The following NFKB1 variants were observed in gnomAD, a reference collection of about 807,000 sequenced individuals.
The protein encoded by NFKB1 is nuclear factor kappa B subunit 1, also known as nuclear factor NF-kappa-B p105 subunit.
Under a neutral mutation model 105.1 loss-of-function variants are expected in NFKB1, and 9 were observed. The observed-to-expected ratio is 0.09, with a 90% confidence interval of 0.05 to 0.15. The LOEUF is 0.15. Among genes scored for constraint, NFKB1 ranks in the 10% least tolerant of loss-of-function variants. The pLI, the probability that NFKB1 is intolerant of heterozygous loss-of-function variation, is 1.00. For synonymous variants in NFKB1, 440 were observed against 442.2 expected, an observed-to-expected ratio of 1.00 and a Z score of 0.06; for missense variants, 830 against 1,203.7, an observed-to-expected ratio of 0.69 and a Z score of 4.59.
At chr4:102,607,034 A>G in intron 17 of NFKB1, 116 bp from the exon 18 acceptor site, 1 of 987,804 alleles carries the variant, frequency 1.0e-6, no homozygotes, top group Non-Finnish European at 1.6e-6. Flanking sequence ...ATAGACTTAT[A>G]GTATCTTTAC....
Position 102,606,633 on chromosome 4 carries a change from A to G in NFKB1, c.1890A>G (p.Lys630=), listed in dbSNP as rs994434354. 4 of 1,614,060 alleles carry G rather than the reference A, an allele frequency of 2.5e-6. No individual in the cohort carries two copies. The highest frequency in any genetic ancestry group is 1.6e-4 in the Middle Eastern group (1 of 6,084). Residue 630 remains lysine (K), a synonymous_variant, in exon 17 of 24, where the codon AAA becomes AAG. Coordinates refer to ENST00000226574, the MANE Select transcript of NFKB1 (RefSeq NM_003998.4). ...TAGCTGCCAAAGAAGGACATGATAA[A>G]GTTCTCAGTATCTTACTCAAGCACA... ...LHLAAKEGHD[K]VLSILLKHKK...
chr4:102,596,916 C>G lies in NFKB1; in HGVS notation c.1495+584C>G, dbSNP rs139847024. On this transcript the variant is annotated intron_variant, in intron 14 of 23. Transcript: ENST00000226574. ...TGGTGGCCACATGTGGTGTCTATCA[C>G]ATATGCTTTTTTTTTACACCCCTTT... Among the ~76,000 whole-genome samples the G allele has an allele frequency of 6.5e-3, 982 of 151,978 alleles. 7 individuals are homozygous for G. Among genetic ancestry groups the G allele is most frequent in the African/African-American group, 0.021 (883 of 41,418 alleles).
intron 13 of NFKB1, among the ~76,000 whole-genome samples, chr4:102,595,415 C>T (rs184840612): frequency 6.6e-6 from 1 of 152,290 alleles, no homozygotes; most frequent in East Asian, 1.9e-4. Context: ...GTTTATATTA[C>T]AGGTCCATTC....
chr4:102,559,573 T>G (rs1723236587), intron 5 of NFKB1, among the ~76,000 whole-genome samples: 1 of 151,978 alleles, frequency 6.6e-6, no homozygotes, highest in Non-Finnish European at 1.5e-5. Context: ...TTTTGAAGAT[T>G]TGAATTAATA....
At chr4:102,612,193 G>C in intron 21 of NFKB1, 83 bp downstream of exon 21, 1 of 1,300,868 alleles carries the variant, frequency 7.7e-7, no homozygotes, top group Non-Finnish European at 1.1e-6. Context: ...ATTATCCAGG[G>C]TCTACTGTTA....
Position 102,607,693 on chromosome 4 carries a change from C to G in NFKB1, c.2169C>G (p.Pro723=), listed in dbSNP as rs1727931230. The G allele has an allele frequency of 9.3e-6, 15 of 1,614,098 alleles. No individual in the cohort carries two copies. The highest frequency in any genetic ancestry group is 1.3e-5 in the African/African-American group (1 of 75,002). ...VDSTTYDGTT[P]LHIAAGRGST... is the part of the protein sequence containing the mutation. The stretch of plus-strand genomic sequence containing the variant: ...GTACTACCTACGATGGAACCACACC[C>G]CTGCATATAGCAGCTGGGAGAGGGT... The change falls in exon 19 of 24, where the codon CCC becomes CCG. Residue 723 remains proline, a synonymous_variant. Coordinates refer to ENST00000226574, the MANE Select transcript of NFKB1 (RefSeq NM_003998.4).
chr4:102,613,378 G>A (rs1578838859), intron 22 of NFKB1, 47 bp from the exon 23 acceptor site: 1 of 1,597,528 alleles, frequency 6.3e-7, no homozygotes, highest in Non-Finnish European at 8.6e-7. Flanking sequence ...AGCCTGCACT[G>A]GGACTCGAAC....
intron 16 of NFKB1, among the ~76,000 whole-genome samples, chr4:102,602,896 C>T (rs2149216127): frequency 6.6e-6 from 1 of 152,310 alleles, no homozygotes; most frequent in South Asian, 2.1e-4. Flanking sequence ...TTGATTCTCG[C>T]AGACTTTTGG....
At chr4:102,556,907 A>T in intron 5 of NFKB1, among the ~76,000 whole-genome samples, 1 of 152,054 alleles carries the variant, frequency 6.6e-6, no homozygotes, top group East Asian at 1.9e-4. Flanking sequence ...GCTTTTTTTT[A>T]GAATAAGGAA....
intron 5 of NFKB1, among the ~76,000 whole-genome samples, chr4:102,542,691 A>G (rs192745738): frequency 6.6e-6 from 1 of 152,334 alleles, no homozygotes; most frequent in African/African-American, 2.4e-5. Flanking sequence ...AAGAAAGTTA[A>G]TTTTTACTAA....
At chr4:102,534,597 T>G (rs1278338642) in intron 4 of NFKB1, among the ~76,000 whole-genome samples, 1 of 152,160 alleles carries the variant, frequency 6.6e-6, no homozygotes, top group East Asian at 1.9e-4. Context: ...AAAGGCAATC[T>G]TTAATGTCTG....
intron 23 of NFKB1, among the ~76,000 whole-genome samples, chr4:102,614,592 G>A (rs1728760672): frequency 6.6e-6 from 1 of 151,998 alleles, no homozygotes; most frequent in African/African-American, 2.4e-5. Context: ...CCTGCAGTTG[G>A]GATCGCATCC....
At chr4:102,502,205 T>TA (rs1042172033) in intron 1 of NFKB1, 1 of 152,332 alleles carries the variant, frequency 6.6e-6, no homozygotes, top group African/African-American at 2.4e-5. Context: ...AGATTTCACC[T>TA]AAGGGCGTTC....
intron 6 of NFKB1, among the ~76,000 whole-genome samples, chr4:102,576,328 C>A (rs1241699301): frequency 1.3e-5 from 2 of 152,094 alleles, no homozygotes; most frequent in East Asian, 1.9e-4. Flanking sequence ...ATATAATATT[C>A]TTCTTATTCT....
chr4:102,516,736 A>G (rs985472941), intron 1 of NFKB1, among the ~76,000 whole-genome samples: 6 of 151,250 alleles, frequency 4.0e-5, no homozygotes, highest in Non-Finnish European at 7.4e-5. Flanking sequence ...ATTTCTTTGC[A>G]GGCTTCATTA....
rs1369756216 is a variant in NFKB1, at chr4:102,580,544, A to G, written c.740A>G (p.Asn247Ser). 16 of 1,613,752 alleles carry G rather than the reference A, an allele frequency of 9.9e-6. No homozygotes were observed. Among genetic ancestry groups the G allele is most frequent in the African/African-American group, 1.3e-5 (1 of 74,916 alleles). ...SDAIYDSKAP[N>S]ASNLKIVRMD... ...TTTCCCCTGTGAACAGAAGCCCCCAATGCATCCAACTTGAAAATTGTAAGA... is the reference window on the plus strand; with the variant it reads ...TTTCCCCTGTGAACAGAAGCCCCCAGTGCATCCAACTTGAAAATTGTAAGA... The change falls in exon 9 of 24, where the codon AAT becomes AGT. Residue 247 changes from asparagine (N) to serine (S), a missense_variant. By Grantham distance (46) the Asn-to-Ser change is conservative (BLOSUM62 1). This residue lies in a region of NFKB1 where 80 missense variants were observed against 122.6 expected (regional missense o/e 0.65). Coordinates refer to ENST00000226574, the MANE Select transcript of NFKB1 (RefSeq NM_003998.4).
chr4:102,544,115 T>C (rs1721948876), intron 5 of NFKB1, among the ~76,000 whole-genome samples: 1 of 147,590 alleles, frequency 6.8e-6, no homozygotes, highest in Admixed American at 6.6e-5. Context: ...TACACATGTA[T>C]GTATGTGCAT....
intron 5 of NFKB1, among the ~76,000 whole-genome samples, chr4:102,557,863 A>G (rs1195514820): frequency 1.3e-5 from 2 of 152,000 alleles, no homozygotes; most frequent in Admixed American, 1.3e-4. Context: ...CAGAATTCCT[A>G]CCTCTTAGTG....
intron 23 of NFKB1, 89 bp downstream of exon 23, chr4:102,613,670 T>G (rs1482923035): frequency 7.0e-7 from 1 of 1,431,058 alleles, no homozygotes; most frequent in East Asian, 2.5e-5. Context: ...TGTGGCAGTT[T>G]TCTTTCTCGT....
Sources: gnomAD v4.1 joint callset for allele counts (sites outside exome capture counted in the v4.1 genomes callset) on GRCh38, gnomAD v4.1.1 for gene constraint, gnomAD v4.1.1 regional missense constraint, MANE v1.5 for transcripts, NCBI Gene and HGNC (gene_info 2026-07-23, HGNC 2026-07-21) for gene names.